Variants in PCDHA5 observed in about 807,000 individuals in gnomAD.
The protein encoded by PCDHA5 is protocadherin alpha 5, also known as protocadherin alpha-5.
A neutral mutation model predicts 61.6 loss-of-function variants in PCDHA5; 43 were observed. The observed-to-expected ratio is 0.70, with a 90% CI of 0.55 to 0.90. The LOEUF (loss-of-function observed/expected upper bound fraction) is 0.90, where lower values mean the gene tolerates loss of function less well. Ranked by LOEUF, PCDHA5 falls within the 40% of genes least tolerant of loss-of-function variation. The pLI is 0.00. For synonymous variants in PCDHA5, 627 were observed against 543.9 expected (o/e 1.15, Z -2.13); for missense variants, 1,298 against 1,222.7 (o/e 1.06, Z -0.92).
chr5:140,909,070 C>T (rs2074299054), intron 1 of PCDHA5, among the ~76,000 whole-genome samples: 1 of 152,146 alleles, frequency 6.6e-6, no homozygotes, highest in Non-Finnish European at 1.5e-5. Flanking sequence ...CACCAATAAG[C>T]CCAGTGTGTT....
At chr5:140,896,114 G>A (rs1165904850) in intron 1 of PCDHA5, among the ~76,000 whole-genome samples, 1 of 152,030 alleles carries the variant, frequency 6.6e-6, no homozygotes, top group Non-Finnish European at 1.5e-5. Context: ...CCTGGCCAAT[G>A]TACTGCATTT....
intron 1 of PCDHA5, chr5:140,831,357 T>C (rs2150193873): frequency 9.0e-6 from 1 of 110,600 alleles, no homozygotes; most frequent in Non-Finnish European, 1.9e-5. Context: ...TATTCACTAT[T>C]TTGTATGTGT....
chr5:140,961,464 C>G (rs1364555316), intron 1 of PCDHA5, among the ~76,000 whole-genome samples: 1 of 152,126 alleles, frequency 6.6e-6, no homozygotes, highest in Non-Finnish European at 1.5e-5. Flanking sequence ...AGCTGCCTTT[C>G]TTTTTTTGTC....
chr5:140,968,869 C>T, intron 1 of PCDHA5: 1 of 1,614,210 alleles, frequency 6.2e-7, no homozygotes, highest in Non-Finnish European at 8.5e-7. Flanking sequence ...CTCGGACATA[C>T]TCTGAAATTA....
chr5:140,861,636 CA>C, intron 1 of PCDHA5: 1 of 303,242 alleles, frequency 3.3e-6, no homozygotes. Flanking sequence ...CTCAGCAACA[CA>C]AAAGAATCTG....
intron 1 of PCDHA5, among the ~76,000 whole-genome samples, chr5:140,831,385 G>C (rs1771511282): frequency 6.7e-6 from 1 of 149,982 alleles, no homozygotes. Flanking sequence ...TGTGTGACAG[G>C]GTCTTGCTCT....
intron 1 of PCDHA5, chr5:140,869,208 C>T (rs782200592): frequency 2.5e-6 from 4 of 1,613,990 alleles, no homozygotes; most frequent in Middle Eastern, 1.7e-4. Context: ...ACTACTCCGT[C>T]TCGGAGGAGG....
In PCDHA5 at chr5:140,872,848, A is replaced by G. The variant is rs531539520; in HGVS notation, c.2352+48721A>G. ...AGCAGAGAAAAAATTAAATATATTA[A>G]TGTGAGTACCTACTGACAATTATCA... On this transcript the variant is annotated intron_variant, in intron 1 of 3. Transcript: ENST00000529859. Among the ~76,000 whole-genome samples the G allele has an allele frequency of 3.3e-5, 5 of 152,332 alleles. No individual in the cohort carries two copies. The South Asian group carries it at 1.0e-3, about 32-fold the overall frequency.
rs149782026 is a variant in PCDHA5, at chr5:140,944,645, G to A, written c.2353-34304G>A. ...TAGTGTTGTAAGCCAGTGTGGATTG[G>A]GAGTCCATACCCCTTATTTATCTAT... On this transcript the variant is annotated intron_variant, in intron 1 of 3. Coordinates refer to ENST00000529859, the MANE Select transcript of PCDHA5 (RefSeq NM_018908.3). Among the ~76,000 whole-genome samples, 728 of 152,260 alleles carry A rather than the reference G, an allele frequency of 4.8e-3. 7 individuals are homozygous for A. The highest frequency in any genetic ancestry group is 0.017 in the African/African-American group (702 of 41,552).
chr5:140,927,942 T>C, intron 1 of PCDHA5: 1 of 1,614,226 alleles, frequency 6.2e-7, no homozygotes, highest in Non-Finnish European at 8.5e-7. Flanking sequence ...ACCCAGTACC[T>C]GAGGACGCTG....
At chr5:140,943,083 C>A (rs1444637785) in intron 1 of PCDHA5, among the ~76,000 whole-genome samples, 1 of 151,532 alleles carries the variant, frequency 6.6e-6, no homozygotes, top group African/African-American at 2.4e-5. Flanking sequence ...ATGGTGAAAT[C>A]CTGCCTCTAC....
rs2096251050 is a variant in PCDHA5, at chr5:140,968,498, C to T, written c.2353-10451C>T. 3 of 1,614,190 alleles carry T rather than the reference C, an allele frequency of 1.9e-6. No individual in the cohort carries two copies. The highest frequency in any genetic ancestry group is 2.5e-6 in the Non-Finnish European group (3 of 1,180,042). The stretch of plus-strand genomic sequence containing the variant: ...GGTGGACATGAATGACCATGCCCCT[C>T]ACATTCTGTACCCTACCTCAACCAA... On this transcript the variant is annotated intron_variant, in intron 1 of 3. Coordinates refer to ENST00000529859, the MANE Select transcript of PCDHA5 (RefSeq NM_018908.3).
chr5:140,852,081 T>C (rs2042233455), intron 1 of PCDHA5: 1 of 899,702 alleles, frequency 1.1e-6, no homozygotes, highest in Non-Finnish European at 1.4e-6. Context: ...AGCTATTTTA[T>C]TTAATATTGT....
intron 1 of PCDHA5, chr5:140,852,192 T>C: frequency 1.4e-6 from 1 of 716,718 alleles, no homozygotes; most frequent in Non-Finnish European, 1.8e-6. Context: ...AAAATGCCAG[T>C]AACGTTTATT....
chr5:140,928,177 A>G lies in PCDHA5; in HGVS notation c.2353-50772A>G, dbSNP rs781987562. Reference sequence around the variant, plus strand: ...TGGCTCACCCCCACTTAGCACCCGAAGGACAATCACTGTGTCAGTTGCTGA... The same window carrying G: ...TGGCTCACCCCCACTTAGCACCCGAGGGACAATCACTGTGTCAGTTGCTGA... On this transcript the variant is annotated intron_variant, in intron 1 of 3. Transcript: ENST00000529859. 8.7e-6 allele frequency: 14 copies of G among 1,614,218 alleles called. No homozygotes were observed. The East Asian group carries it at 2.7e-4, about 31-fold the overall frequency.
intron 1 of PCDHA5, among the ~76,000 whole-genome samples, chr5:140,909,547 C>T (rs2074573960): frequency 1.3e-5 from 2 of 152,278 alleles, no homozygotes; most frequent in Non-Finnish European, 2.9e-5. Context: ...GATGGTGGCA[C>T]TAATCTCTGC....
Position 140,822,789 on chromosome 5 carries a change from A to G in PCDHA5, c.1014A>G (p.Lys338=), listed in dbSNP as rs1767433186. Residue 338 remains lysine, a synonymous_variant, in exon 1 of 4, where the codon AAA becomes AAG. Coordinates refer to ENST00000529859, the MANE Select transcript of PCDHA5 (RefSeq NM_018908.3). The part of the protein sequence containing the change: ...PLSGHCKVVV[K]LLDVNDNTPE... ...CAGGACACTGTAAAGTAGTAGTGAA[A>G]CTCCTGGATGTGAATGATAATACCC... 2 of 1,614,044 alleles carry G rather than the reference A, an allele frequency of 1.2e-6. No individual in the cohort carries two copies. Among genetic ancestry groups the G allele is most frequent in the Non-Finnish European group, 8.5e-7 (1 of 1,179,952 alleles).
At chr5:140,967,351 G>C in intron 1 of PCDHA5, 1 of 1,608,106 alleles carries the variant, frequency 6.2e-7, no homozygotes, top group South Asian at 1.1e-5. Context: ...ACTTCGAGCT[G>C]GACCTTAAGC....
At chr5:140,949,371 C>G (rs932971788) in intron 1 of PCDHA5, among the ~76,000 whole-genome samples, 1 of 151,712 alleles carries the variant, frequency 6.6e-6, no homozygotes, top group African/African-American at 2.4e-5. Flanking sequence ...GTCTAGTTGT[C>G]CTATCAATTG....
Sources: gnomAD v4.1 joint callset for allele counts (sites outside exome capture counted in the v4.1 genomes callset) on GRCh38, gnomAD v4.1.1 for gene constraint, MANE v1.5 for transcripts, NCBI Gene and HGNC (gene_info 2026-07-23, HGNC 2026-07-21) for gene names.